Variants in FBXL7 observed in about 807,000 individuals in gnomAD.
FBXL7 encodes the protein F-box and leucine rich repeat protein 7, also known as F-box/LRR-repeat protein 7.
A neutral mutation model predicts 38.3 loss-of-function variants in FBXL7; 12 were observed. The observed-to-expected ratio is 0.31, with a 90% CI of 0.20 to 0.51. FBXL7 has a LOEUF of 0.51. Ranked by LOEUF, FBXL7 falls within the 20% of genes least tolerant of loss-of-function variation. The pLI, the probability that FBXL7 is intolerant of heterozygous loss-of-function variation, is 0.98. For missense variants in FBXL7, 567 were observed against 676.4 expected (o/e 0.84, Z 1.79); for synonymous variants, 297 against 300.9 (o/e 0.99, Z 0.13).
chr5:15,513,531 G>A (rs1261824060), intron 1 of FBXL7, among the ~76,000 whole-genome samples: 3 of 152,118 alleles, frequency 2.0e-5, no homozygotes, highest in Non-Finnish European at 4.4e-5. Flanking sequence ...TCTGTGATGT[G>A]GTATCTGCCT....
chr5:15,801,626 G>A (rs1737565934), intron 2 of FBXL7, among the ~76,000 whole-genome samples: 1 of 146,410 alleles, frequency 6.8e-6, no homozygotes, highest in South Asian at 2.1e-4. Context: ...TTCATTGAAG[G>A]GGGAGTCAGT....
intron 2 of FBXL7, among the ~76,000 whole-genome samples, chr5:15,682,587 A>G (rs1742875496): frequency 6.6e-6 from 1 of 152,044 alleles, no homozygotes; most frequent in East Asian, 1.9e-4. Flanking sequence ...ATTCTAAATT[A>G]CTTGCTTAAT....
In FBXL7 at chr5:15,937,282, C is replaced by T. The variant is rs1284216431; in HGVS notation, c.*96C>T. On this transcript the variant is annotated 3_prime_UTR_variant, in exon 4 of 4. Coordinates refer to ENST00000504595, the MANE Select transcript of FBXL7 (RefSeq NM_012304.5). ...TGTAAGCACCGACACCCACTCAAAA[C>T]AGCTCTTTCTTCCGGGAAGGTTATT... The T allele has an allele frequency of 7.3e-7, 1 of 1,361,818 alleles. No individual in the cohort carries two copies. Among genetic ancestry groups the T allele is most frequent in the East Asian group, 2.5e-5 (1 of 39,544 alleles). 84.4% of individuals were successfully genotyped at this position (1,361,818 alleles called of 1,614,324 possible).
intron 2 of FBXL7, among the ~76,000 whole-genome samples, chr5:15,732,631 T>G (rs1735620705): frequency 6.6e-6 from 1 of 152,240 alleles, no homozygotes; most frequent in African/African-American, 2.4e-5. Context: ...AAAGTCAGAA[T>G]GATGGTACAT....
At chr5:15,630,596 A>G (rs529366945) in intron 2 of FBXL7, among the ~76,000 whole-genome samples, 94 of 152,198 alleles carry the variant, frequency 6.2e-4, no homozygotes, top group Admixed American at 1.0e-3. Flanking sequence ...GTATTATCCT[A>G]GAAACAACCT....
At chr5:15,546,732 A>G (rs1159080915) in intron 1 of FBXL7, among the ~76,000 whole-genome samples, 2 of 152,218 alleles carry the variant, frequency 1.3e-5, no homozygotes, top group Non-Finnish European at 2.9e-5. Context: ...CCCTGTCTCA[A>G]AAACAAAACA....
chr5:15,826,671 A>C (rs570234417), intron 2 of FBXL7, among the ~76,000 whole-genome samples: 2 of 152,188 alleles, frequency 1.3e-5, no homozygotes, highest in East Asian at 3.9e-4. Context: ...TGCCCACCTC[A>C]GTCTCCCTAA....
intron 2 of FBXL7, among the ~76,000 whole-genome samples, chr5:15,664,875 T>A (rs199810893): frequency 0.065 from 3 of 46 alleles, no homozygotes; most frequent in African/African-American, 0.25. Context: ...ATTTTTTCAG[T>A]TTTTTTTTTT....
chr5:15,840,170 C>A (rs887211049), intron 2 of FBXL7, among the ~76,000 whole-genome samples: 1 of 152,150 alleles, frequency 6.6e-6, no homozygotes, highest in African/African-American at 2.4e-5. Context: ...GAAAGTGTCA[C>A]AATGTAAATA....
intron 1 of FBXL7, among the ~76,000 whole-genome samples, chr5:15,576,363 C>T (rs1465390550): frequency 6.6e-6 from 1 of 152,066 alleles, no homozygotes; most frequent in Non-Finnish European, 1.5e-5. Context: ...GGATTACGGG[C>T]ATGAGCCACT....
chr5:15,727,025 A>G (rs1735421973), intron 2 of FBXL7, among the ~76,000 whole-genome samples: 1 of 152,038 alleles, frequency 6.6e-6, no homozygotes, highest in African/African-American at 2.4e-5. Context: ...TACCATAAGG[A>G]TTACATTTAA....
chr5:15,696,013 T>C (rs1418336457), intron 2 of FBXL7, among the ~76,000 whole-genome samples: 7 of 152,230 alleles, frequency 4.6e-5, no homozygotes, highest in African/African-American at 1.4e-4. Context: ...AAAAGAGGCA[T>C]GTCCACTGAG....
intron 2 of FBXL7, among the ~76,000 whole-genome samples, chr5:15,913,186 T>G (rs1579595315): frequency 6.6e-6 from 1 of 152,248 alleles, no homozygotes; most frequent in Admixed American, 6.5e-5. Flanking sequence ...TACACAAAAC[T>G]TTATGTTAAA....
chr5:15,606,639 GAAGA>G (rs1248243528), intron 1 of FBXL7: 1 of 152,248 alleles, frequency 6.6e-6, no homozygotes, highest in African/African-American at 2.4e-5. Flanking sequence ...GGCTTGAAAG[GAAGA>G]AAGGAAAACA....
intron 1 of FBXL7, among the ~76,000 whole-genome samples, chr5:15,583,162 T>C (rs1222923969): frequency 1.3e-5 from 2 of 152,042 alleles, no homozygotes; most frequent in Admixed American, 1.3e-4. Flanking sequence ...TATAAAAACA[T>C]CAGATCTTAC....
intron 2 of FBXL7, among the ~76,000 whole-genome samples, chr5:15,903,209 G>C (rs74624411): frequency 1.3e-5 from 2 of 152,194 alleles, no homozygotes; most frequent in Non-Finnish European, 2.9e-5. Flanking sequence ...TTTCTTAAAA[G>C]ATCAGACTCT....
chr5:15,734,020 T>C (rs1016558384), intron 2 of FBXL7, among the ~76,000 whole-genome samples: 1 of 151,066 alleles, frequency 6.6e-6, no homozygotes. Context: ...GGCAGGAGAA[T>C]CTCTTGAACC....
At chr5:15,541,072 A>C (rs563091456) in intron 1 of FBXL7, among the ~76,000 whole-genome samples, 1 of 151,554 alleles carries the variant, frequency 6.6e-6, no homozygotes, top group Admixed American at 6.6e-5. Flanking sequence ...GTGTGTGTGC[A>C]TATATGTGTG....
At chr5:15,901,306 G>A (rs1741227687) in intron 2 of FBXL7, among the ~76,000 whole-genome samples, 1 of 152,200 alleles carries the variant, frequency 6.6e-6, no homozygotes, top group Non-Finnish European at 1.5e-5. Context: ...TTCTGACTGT[G>A]TCTTCACGTG....
Sources: allele counts gnomAD v4.1 joint callset (sites outside exome capture counted in the v4.1 genomes callset), GRCh38; gene constraint gnomAD v4.1.1; transcripts MANE v1.5; gene names NCBI Gene and HGNC (gene_info 2026-07-23, HGNC 2026-07-21).